CD96: variants seen among roughly 807,000 people sequenced by gnomAD.
CD96 encodes CD96 molecule, also known as T-cell surface protein tactile.
A neutral mutation model predicts 71.3 loss-of-function variants in CD96; 70 were observed. The observed-to-expected ratio is 0.98, with a 90% CI of 0.81 to 1.20. The LOEUF is 1.20. CD96 is among the 50% of genes most tolerant of loss of function. The pLI, the probability that CD96 is intolerant of heterozygous loss-of-function variation, is 0.00. For synonymous variants in CD96, 248 were observed against 233.0 expected (o/e 1.06, Z -0.59); for missense variants, 742 against 677.5 (o/e 1.10, Z -1.06).
intron 6 of CD96, among the ~76,000 whole-genome samples, chr3:111,598,468 A>G (rs1402014387): frequency 6.6e-6 from 1 of 152,236 alleles, no homozygotes; most frequent in East Asian, 1.9e-4. Flanking sequence ...TTTAACTAGC[A>G]GTAAAAGGAA....
rs1368721026 is a variant in CD96 at position 111,613,458 on chromosome 3, C to T, written c.1180+6666C>T. 2.6e-5 allele frequency among the ~76,000 whole-genome samples: 4 copies of T among 152,160 alleles called. No homozygotes were observed. In the South Asian group the frequency reaches 6.2e-4, roughly 24 times the overall value. On this transcript the variant is annotated intron_variant, in intron 8 of 13. Transcript: ENST00000352690. ...TTAGATTTAGGTTTAGGTTTCACAC[C>T]TCATGTCTCCTTTATGCTGGGCTGA... is the stretch of plus-strand genomic sequence containing the variant.
At chr3:111,555,283 T>G (rs1400129112) in intron 2 of CD96, among the ~76,000 whole-genome samples, 1 of 152,304 alleles carries the variant, frequency 6.6e-6, no homozygotes, top group African/African-American at 2.4e-5. Context: ...ACTACATATA[T>G]AATTTTTCAT....
intron 14 of CD96, among the ~76,000 whole-genome samples, chr3:111,662,378 T>C (rs931695362): frequency 6.6e-6 from 1 of 152,244 alleles, no homozygotes; most frequent in Non-Finnish European, 1.5e-5. Flanking sequence ...CTTCTTTACT[T>C]ATGCAAACTT....
chr3:111,578,993 G>C (rs1267161346), intron 3 of CD96, 34 bp from the exon 4 acceptor site: 1 of 1,068,680 alleles, frequency 9.4e-7, no homozygotes, highest in Non-Finnish European at 1.5e-6. Flanking sequence ...GCACAGTTGA[G>C]GACTCAATAA....
intron 12 of CD96, among the ~76,000 whole-genome samples, chr3:111,641,439 G>A (rs974177341): frequency 6.6e-5 from 10 of 152,154 alleles, no homozygotes. Context: ...TGTCTAACAG[G>A]AAAATATCAC....
At chr3:111,553,473 G>A (rs1214888106) in intron 2 of CD96, among the ~76,000 whole-genome samples, 1 of 136,788 alleles carries the variant, frequency 7.3e-6, no homozygotes, top group Non-Finnish European at 1.5e-5. Flanking sequence ...GATAGATGAT[G>A]CATAGTTATA....
chr3:111,576,036 G>A (rs1936206749), intron 3 of CD96, among the ~76,000 whole-genome samples: 1 of 152,096 alleles, frequency 6.6e-6, no homozygotes, highest in Admixed American at 6.5e-5. Context: ...ATCATAGGCT[G>A]GACTAGATAA....
chr3:111,596,433 G>A (rs1356518025), intron 5 of CD96, among the ~76,000 whole-genome samples: 4 of 152,102 alleles, frequency 2.6e-5, no homozygotes, highest in Admixed American at 2.6e-4. Flanking sequence ...GAGAATTCAT[G>A]AAAGTCAAAT....
intron 14 of CD96, among the ~76,000 whole-genome samples, chr3:111,664,953 TAC>T (rs1305973709): frequency 3.9e-5 from 6 of 152,200 alleles, no homozygotes; most frequent in Non-Finnish European, 8.8e-5. Flanking sequence ...TCTTAGGAAA[TAC>T]ACAGTTATTA....
chr3:111,645,010 G>A (rs749883189), intron 12 of CD96, among the ~76,000 whole-genome samples: 11 of 152,172 alleles, frequency 7.2e-5, no homozygotes, highest in Non-Finnish European at 1.3e-4. Flanking sequence ...CCCACTACTG[G>A]ATATCTGCCC....
chr3:111,664,390 A>C (rs1379259556), intron 14 of CD96, among the ~76,000 whole-genome samples: 1 of 152,214 alleles, frequency 6.6e-6, no homozygotes, highest in African/African-American at 2.4e-5. Context: ...CAAAATCCTA[A>C]GTGAAGTAAT....
intron 7 of CD96, among the ~76,000 whole-genome samples, chr3:111,604,907 T>G (rs1345343943): frequency 6.6e-6 from 1 of 152,190 alleles, no homozygotes; most frequent in Non-Finnish European, 1.5e-5. Flanking sequence ...TGTGTTCCAA[T>G]AAAATTTTTA....
downstream of CD96, among the ~76,000 whole-genome samples, chr3:111,657,038 G>T (rs1201172112): frequency 6.6e-6 from 1 of 151,544 alleles, no homozygotes; most frequent in Admixed American, 6.6e-5. Context: ...AAAACTGAAA[G>T]AAAACTATTT....
intron 3 of CD96, among the ~76,000 whole-genome samples, chr3:111,578,785 A>C (rs965763859): frequency 1.3e-5 from 2 of 152,248 alleles, no homozygotes. Flanking sequence ...AAGATTATGA[A>C]GGAGAAGCTC....
rs529924582 is a variant in CD96, at chr3:111,596,203, A to C, written c.808-1917A>C. Among the ~76,000 whole-genome samples, 23 of 152,098 alleles carry C rather than the reference A, an allele frequency of 1.5e-4. 2 individuals carry two copies. Among genetic ancestry groups the C allele is most frequent in the African/African-American group, 5.3e-4 (22 of 41,558 alleles). ...AAAATGAATAAATAAAAATAAAAAA[A>C]GAAAGAAAAGAAAAAGAAATGGCAT... On this transcript the variant is annotated intron_variant, in intron 5 of 13. Transcript: ENST00000352690.
Position 111,559,155 on chromosome 3 carries a change from C to G in CD96, c.419-8368C>G, listed in dbSNP as rs1160339636. On this transcript the variant is annotated intron_variant, in intron 2 of 13. Transcript: ENST00000352690. The stretch of plus-strand genomic sequence containing the variant: ...CAATTTTGTTGATCCTTTCAAAAAA[C>G]CAGCTCCTGGATTCATTGATTTTTT... Among the ~76,000 whole-genome samples the G allele has an allele frequency of 2.3e-3, 343 of 151,024 alleles. 1 individual carries two copies. The highest frequency in any genetic ancestry group is 8.1e-3 in the African/African-American group (331 of 41,116).
At chr3:111,620,171 G>T (rs1938451558) in intron 8 of CD96, among the ~76,000 whole-genome samples, 1 of 152,206 alleles carries the variant, frequency 6.6e-6, no homozygotes, top group East Asian at 1.9e-4. Flanking sequence ...GCTTTCCTGG[G>T]ATTCTGACTG....
intron 2 of CD96, among the ~76,000 whole-genome samples, chr3:111,547,894 A>G (rs558357621): frequency 2.6e-5 from 4 of 152,178 alleles, no homozygotes; most frequent in African/African-American, 9.7e-5. Context: ...AGTGACCACA[A>G]ATGTAAGCCT....
chr3:111,635,577 T>C (rs184876576), intron 10 of CD96, among the ~76,000 whole-genome samples: 43 of 152,346 alleles, frequency 2.8e-4, no homozygotes, highest in African/African-American at 1.0e-3. Context: ...GCTATTTTGC[T>C]TGGGGAAAAT....
Sources: gnomAD v4.1 joint callset for allele counts (sites outside exome capture counted in the v4.1 genomes callset) on GRCh38, gnomAD v4.1.1 for gene constraint, MANE v1.5 for transcripts, NCBI Gene and HGNC (gene_info 2026-07-23, HGNC 2026-07-21) for gene names.